Variants in ARK2C observed in about 807,000 individuals in gnomAD.
ARK2C encodes E3 ubiquitin-protein ligase ARK2C.
the ARK2C span, among the ~76,000 whole-genome samples, chr18:46,377,874 C>A: frequency 1.3e-5 from 2 of 152,002 alleles, no homozygotes; most frequent in South Asian, 2.1e-4. Context: ...ATGTCTAGAG[C>A]AAAGGGTACA....
the ARK2C span, among the ~76,000 whole-genome samples, chr18:46,454,141 A>G: frequency 1.9e-4 from 28 of 148,612 alleles, no homozygotes; most frequent in Admixed American, 1.7e-3. Context: ...AAAAAAAAGT[A>G]AAAGGGAAGG....
chr18:46,396,687 C>T, the ARK2C span, among the ~76,000 whole-genome samples: 1 of 152,168 alleles, frequency 6.6e-6, no homozygotes, highest in Non-Finnish European at 1.5e-5. Flanking sequence ...GCCTGGCTGT[C>T]GGGACCATGA....
At chr18:46,366,020 C>A in the ARK2C span, among the ~76,000 whole-genome samples, 53 of 152,034 alleles carry the variant, frequency 3.5e-4, 1 homozygote, top group East Asian at 8.9e-3. Context: ...TGGCTGGGCG[C>A]GGTGGCTCAC....
the ARK2C span, among the ~76,000 whole-genome samples, chr18:46,341,870 C>T: frequency 2.0e-5 from 3 of 152,182 alleles, no homozygotes; most frequent in African/African-American, 7.2e-5. Flanking sequence ...CTTGAAAAGA[C>T]AGACCCCAAA....
the ARK2C span, among the ~76,000 whole-genome samples, chr18:46,340,872 G>A: frequency 1.3e-5 from 2 of 152,226 alleles, no homozygotes; most frequent in Non-Finnish European, 2.9e-5. Context: ...CTGCAGAGGC[G>A]GGTTTGCAAT....
chr18:46,402,260 G>A, the ARK2C span, among the ~76,000 whole-genome samples: 1 of 152,118 alleles, frequency 6.6e-6, no homozygotes, highest in Non-Finnish European at 1.5e-5. Context: ...TACTGAGCAG[G>A]TATTATATAC....
At chr18:46,436,941 G>A in the ARK2C span, among the ~76,000 whole-genome samples, 1 of 152,230 alleles carries the variant, frequency 6.6e-6, no homozygotes, top group Non-Finnish European at 1.5e-5. Context: ...GGCCTACAGG[G>A]AAGTGGGACT....
chr18:46,452,351 C>T, the ARK2C span, among the ~76,000 whole-genome samples: 1 of 152,140 alleles, frequency 6.6e-6, no homozygotes, highest in African/African-American at 2.4e-5. Context: ...ACGATCTTGA[C>T]TCACTGCAAC....
chr18:46,340,601 G>C, the ARK2C span, among the ~76,000 whole-genome samples: 1 of 152,226 alleles, frequency 6.6e-6, no homozygotes, highest in Admixed American at 6.5e-5. Context: ...TGACTGCTGA[G>C]ATAAAAGAGC....
chr18:46,438,914 C>T, the ARK2C span, among the ~76,000 whole-genome samples: 1 of 152,228 alleles, frequency 6.6e-6, no homozygotes, highest in African/African-American at 2.4e-5. Context: ...CTGTTATCAT[C>T]ATCTTAGAGA....
At chr18:46,352,075 C>G in the ARK2C span, among the ~76,000 whole-genome samples, 1 of 152,194 alleles carries the variant, frequency 6.6e-6, no homozygotes, top group Non-Finnish European at 1.5e-5. Flanking sequence ...CAGCCCTGTC[C>G]TCTACCTCCC....
the ARK2C span, among the ~76,000 whole-genome samples, chr18:46,372,828 G>T: frequency 1.3e-5 from 2 of 152,212 alleles, no homozygotes; most frequent in African/African-American, 4.8e-5. Flanking sequence ...ACCACACTGC[G>T]GTGCTATTAT....
chr18:46,421,784 T>C, the ARK2C span, among the ~76,000 whole-genome samples: 8 of 152,120 alleles, frequency 5.3e-5, no homozygotes, highest in African/African-American at 1.7e-4. Flanking sequence ...GCAAGTAGGG[T>C]TCCTTAGGAT....
the ARK2C span, among the ~76,000 whole-genome samples, chr18:46,428,345 A>G: frequency 6.6e-6 from 1 of 152,126 alleles, no homozygotes; most frequent in East Asian, 1.9e-4. Context: ...GGAGGTGGAG[A>G]TTGCAGTGAG....
chr18:46,342,822 C>T, the ARK2C span, among the ~76,000 whole-genome samples: 3 of 152,126 alleles, frequency 2.0e-5, no homozygotes, highest in African/African-American at 4.8e-5. Context: ...GGAAAAAAAA[C>T]CTCATAGGAG....
At chr18:46,383,419 G>T in the ARK2C span, among the ~76,000 whole-genome samples, 1 of 152,164 alleles carries the variant, frequency 6.6e-6, no homozygotes, top group African/African-American at 2.4e-5. Flanking sequence ...ACACACACAT[G>T]TTAATGAGAA....
chr18:46,413,613 T>G, the ARK2C span, among the ~76,000 whole-genome samples: 2 of 151,626 alleles, frequency 1.3e-5, no homozygotes, highest in East Asian at 3.9e-4. Flanking sequence ...GGAAGAGGAG[T>G]GGGAGACAGT....
At chr18:46,374,681 C>G in the ARK2C span, among the ~76,000 whole-genome samples, 2 of 152,184 alleles carry the variant, frequency 1.3e-5, no homozygotes, top group Non-Finnish European at 2.9e-5. Context: ...GCAATGGAAT[C>G]CTCCCCCATC....
chr18:46,451,231 G>T, the ARK2C span, among the ~76,000 whole-genome samples: 1 of 152,164 alleles, frequency 6.6e-6, no homozygotes, highest in Non-Finnish European at 1.5e-5. Flanking sequence ...CCAAGCAGAG[G>T]TTTTCAAACC....
Sources: gnomAD v4.1 joint callset for allele counts (sites outside exome capture counted in the v4.1 genomes callset) on GRCh38, gnomAD v4.1.1 for gene constraint, MANE v1.5 for transcripts, NCBI Gene and HGNC (gene_info 2026-07-23, HGNC 2026-07-21) for gene names.